The following UNC79 variants were observed in gnomAD, a reference collection of about 807,000 sequenced individuals.
The protein encoded by UNC79 is unc-79 subunit of NALCN channel complex.
A neutral mutation model predicts 283.1 loss-of-function variants in UNC79; 37 were observed. The ratio of observed to expected loss-of-function variants is 0.13; its 90% CI spans 0.10 to 0.17. UNC79 has a LOEUF of 0.17. Among genes scored for constraint, UNC79 ranks in the 10% least tolerant of loss-of-function variants. The probability of loss-of-function intolerance (pLI) is 1.00; values close to 1 mark genes in which losing one functional copy is unlikely to be tolerated. For missense variants in UNC79, 2,272 were observed against 3,211.1 expected (o/e 0.71, Z 7.07); for synonymous variants, 1,107 against 1,200.2 (o/e 0.92, Z 1.61).
intron 1 of UNC79, among the ~76,000 whole-genome samples, chr14:93,454,938 GGAT>G (rs567665722): frequency 1.1e-4 from 17 of 152,036 alleles, no homozygotes; most frequent in East Asian, 5.8e-4. Flanking sequence ...CAAATGTAAT[GGAT>G]GATGATGATG....
chr14:93,465,037 T>G (rs1242769), intron 1 of UNC79, among the ~76,000 whole-genome samples: 59,232 of 151,982 alleles, frequency 0.39, 11,869 homozygotes, highest in East Asian at 0.65. Context: ...GCTTGAACAT[T>G]TTTTTCAATC....
At chr14:93,612,172 C>T (rs2066359282) in intron 26 of UNC79, among the ~76,000 whole-genome samples, 1 of 152,208 alleles carries the variant, frequency 6.6e-6, no homozygotes, top group African/African-American at 2.4e-5. Context: ...TGTGTCCTCT[C>T]CCTTCCTTGT....
intron 1 of UNC79, among the ~76,000 whole-genome samples, chr14:93,449,702 C>T (rs2056575544): frequency 6.6e-6 from 1 of 151,524 alleles, no homozygotes; most frequent in Non-Finnish European, 1.5e-5. Context: ...TTGTGTTTTT[C>T]TCATGCGACT....
chr14:93,617,770 G>A lies in UNC79; in HGVS notation c.4225-422G>A, dbSNP rs1021285428. ...AAAATAAGGCCATGGGGGAGGGCGT[G>A]GTGGCTCACTGCTGTAATCCCAGCA... On this transcript the variant is annotated intron_variant, in intron 28 of 48. Coordinates refer to ENST00000555664, the Ensembl canonical transcript of UNC79. The surrounding 1 kb of genome is among the most constrained non-coding windows in gnomAD (Gnocchi z 4.5). Among the ~76,000 whole-genome samples, 2 of 152,102 alleles carry A rather than the reference G, an allele frequency of 1.3e-5. No individual in the cohort carries two copies. The highest frequency in any genetic ancestry group is 4.8e-5 in the African/African-American group (2 of 41,422).
In UNC79 at chr14:93,528,547, A is replaced by G. The variant is rs752205975; in HGVS notation, c.964-11A>G. 14 of 1,612,304 alleles carry G rather than the reference A, an allele frequency of 8.7e-6. No individual in the cohort carries two copies. The highest frequency in any genetic ancestry group is 3.3e-5 in the Admixed American group (2 of 59,908). The stretch of plus-strand genomic sequence containing the variant: ...ACAGGAGAGTTCATTCTGTCTTTTC[A>G]TATGTTTCAGATGTGTATAGACCCT... On this transcript the variant is annotated splice_polypyrimidine_tract_variant and intron_variant, in intron 8 of 48. Transcript: ENST00000555664.
intron 5 of UNC79, among the ~76,000 whole-genome samples, chr14:93,490,155 A>T (rs1475409790): frequency 6.6e-6 from 1 of 151,864 alleles, no homozygotes; most frequent in African/African-American, 2.4e-5. Context: ...GGGTCCTTGC[A>T]CTCTGGGTCT....
chr14:93,455,514 G>A (rs1446442066), intron 1 of UNC79, among the ~76,000 whole-genome samples: 2 of 151,800 alleles, frequency 1.3e-5, no homozygotes, highest in African/African-American at 4.8e-5. Context: ...TGTGTAGGGG[G>A]CTATTCTTGA....
At chr14:93,624,975 C>T (rs1194839261) in intron 30 of UNC79, among the ~76,000 whole-genome samples, 1 of 152,186 alleles carries the variant, frequency 6.6e-6, no homozygotes, top group African/African-American at 2.4e-5. Context: ...AGTACTGGGT[C>T]GTCCTCCGTA....
At chr14:93,622,395 T>C (rs200815493) in exon 30 of UNC79, 1 of 1,614,124 alleles carries the variant, frequency 6.2e-7, no homozygotes, top group East Asian at 2.2e-5. Context: ...GAAGACCCTA[T>C]GGACGCCGAA....
chr14:93,349,764 A>G (rs1056248607), intron 1 of UNC79, among the ~76,000 whole-genome samples: 8 of 152,204 alleles, frequency 5.3e-5, no homozygotes, highest in African/African-American at 9.7e-5. Context: ...GTTCAATAAA[A>G]ACAGCTGAGG....
intron 1 of UNC79, among the ~76,000 whole-genome samples, chr14:93,461,962 CAA>C (rs767768906): frequency 2.8e-5 from 1 of 35,938 alleles, no homozygotes; most frequent in African/African-American, 8.6e-5. Flanking sequence ...GGTTTTCAAG[CAA>C]AAAAAAAAAA....
At chr14:93,571,989 T>G (rs1431077671) in exon 15 of UNC79, 1 of 1,614,198 alleles carries the variant, frequency 6.2e-7, no homozygotes, top group Non-Finnish European at 8.5e-7. Flanking sequence ...ATGTGATCAA[T>G]CAATCTGTCT....
intron 14 of UNC79, among the ~76,000 whole-genome samples, chr14:93,568,006 A>T (rs1250842659): frequency 6.6e-6 from 1 of 152,160 alleles, no homozygotes; most frequent in African/African-American, 2.4e-5. Flanking sequence ...TGAGTTTCTG[A>T]TTAGCCTTTC....
intron 29 of UNC79, 82 bp downstream of exon 30, chr14:93,618,436 T>A: frequency 7.4e-7 from 1 of 1,343,270 alleles, no homozygotes. Context: ...GATAGAAGAG[T>A]GTTCCCAGAT....
At chr14:93,662,903 CAA>C (rs1566883889) in intron 40 of UNC79, among the ~76,000 whole-genome samples, 189 bp downstream of exon 43, 1 of 151,830 alleles carries the variant, frequency 6.6e-6, no homozygotes, top group Non-Finnish European at 1.5e-5. Context: ...CACACACACA[CAA>C]ACACACATAC....
chr14:93,589,402 G>A (rs1051529069), intron 22 of UNC79, among the ~76,000 whole-genome samples: 1 of 152,074 alleles, frequency 6.6e-6, no homozygotes, highest in African/African-American at 2.4e-5. Context: ...GTATGGAAAA[G>A]AGGGCAGAGG....
At chr14:93,662,859 T>A in intron 40 of UNC79, 145 bp downstream of exon 43, 1 of 545,348 alleles carries the variant, frequency 1.8e-6, no homozygotes, top group Non-Finnish European at 3.3e-6. Flanking sequence ...ATAAATACCA[T>A]GGTAAGGAAA....
chr14:93,665,469 T>C (rs1432104220), intron 40 of UNC79, among the ~76,000 whole-genome samples: 1 of 151,750 alleles, frequency 6.6e-6, no homozygotes, highest in Non-Finnish European at 1.5e-5. Flanking sequence ...ATAAGGAAAA[T>C]AGGCTTTTTA....
intron 32 of UNC79, among the ~76,000 whole-genome samples, chr14:93,638,445 G>A (rs1382404499): frequency 6.6e-6 from 1 of 152,194 alleles, no homozygotes; most frequent in African/African-American, 2.4e-5. Context: ...ATGAAGTGAT[G>A]AGAACACTAA....
Sources: allele counts gnomAD v4.1 joint callset (sites outside exome capture counted in the v4.1 genomes callset), GRCh38; gene constraint gnomAD v4.1.1; non-coding constraint Gnocchi (gnomAD v3.1); transcripts MANE v1.5; gene names NCBI Gene and HGNC (gene_info 2026-07-23, HGNC 2026-07-21).